SLC26A9: variants seen among roughly 807,000 people sequenced by gnomAD.
SLC26A9 encodes the protein anion transporter/exchanger protein 9.
In SLC26A9, 46 loss-of-function variants were observed where a neutral mutation model predicts 87.1. That is an observed-to-expected ratio of 0.53 (90% confidence interval 0.42 to 0.67). The LOEUF (loss-of-function observed/expected upper bound fraction) is 0.67. SLC26A9 is among the 30% of genes least tolerant of loss of function. The pLI, the probability that SLC26A9 is intolerant of heterozygous loss-of-function variation, is 0.00. For synonymous variants in SLC26A9, 437 were observed against 409.1 expected, an observed-to-expected ratio of 1.07 and a Z score of -0.82; for missense variants, 927 against 1,018.3, an observed-to-expected ratio of 0.91 and a Z score of 1.22.
chr1:205,937,047 A>G (rs1367022179), intron 1 of SLC26A9, among the ~76,000 whole-genome samples: 1 of 152,198 alleles, frequency 6.6e-6, no homozygotes, highest in African/African-American at 2.4e-5. Context: ...GTGAAGATCA[A>G]ATGAGTTAAT....
chr1:205,933,282 G>A (rs181894188), intron 2 of SLC26A9, among the ~76,000 whole-genome samples, 198 bp from the exon 3 acceptor site: 56 of 152,316 alleles, frequency 3.7e-4, no homozygotes, highest in Non-Finnish European at 6.8e-4. Context: ...ATTAGCTGGA[G>A]GTCTTCTGAC....
chr1:205,934,533 C>A (rs1659431734), intron 2 of SLC26A9, among the ~76,000 whole-genome samples: 1 of 152,218 alleles, frequency 6.6e-6, no homozygotes, highest in African/African-American at 2.4e-5. Context: ...GAACTGGAAA[C>A]AGAGGCTGAG....
At chr1:205,928,795 G>C in intron 8 of SLC26A9, 32 bp downstream of exon 8, 1 of 1,610,366 alleles carries the variant, frequency 6.2e-7, no homozygotes, top group Non-Finnish European at 8.5e-7. Flanking sequence ...TGAGGTGCGG[G>C]TGGGCCAGGC....
rs765741903 is a variant in SLC26A9, at chr1:205,913,646, T to C, written c.*1711A>G. 2.0e-5 allele frequency: 3 copies of C among 152,648 alleles called. No individual in the cohort carries two copies. Among genetic ancestry groups the C allele is most frequent in the African/African-American group, 4.8e-5 (2 of 41,444 alleles). The allele number at this position is 152,648 out of a possible 1,614,324, so 9.5% of individuals were successfully genotyped here. A position where few individuals can be genotyped will look rare whatever the true frequency, so the allele number is the denominator to read the frequency against. On this transcript the variant is annotated 3_prime_UTR_variant, in exon 21 of 21. Coordinates refer to ENST00000367135, the MANE Select transcript of SLC26A9 (RefSeq NM_052934.4). ...TTGTCATTGGCTAAGGCTCTTGTCCTCCTGGAATTTGGCACTTCGGGTGCT... is the reference window on the plus strand; with the variant it reads ...TTGTCATTGGCTAAGGCTCTTGTCCCCCTGGAATTTGGCACTTCGGGTGCT...
In SLC26A9 at chr1:205,914,183, T is replaced by C. The variant is rs1658481363; in HGVS notation, c.*1174A>G. On this transcript the variant is annotated 3_prime_UTR_variant, in exon 21 of 21. Transcript: ENST00000367135. ...AGTCTTCCTGTGCAGGAAGACCCAA[T>C]CTGGATCAGCCCCTTTCCACATCTG... The C allele has an allele frequency of 6.6e-6, 1 of 152,228 alleles. No homozygotes were observed. Among genetic ancestry groups the C allele is most frequent in the Non-Finnish European group, 1.5e-5 (1 of 68,070 alleles). 9.4% of individuals were successfully genotyped at this position (152,228 alleles called of 1,614,324 possible).
intron 1 of SLC26A9, among the ~76,000 whole-genome samples, chr1:205,936,484 T>A (rs1558129667): frequency 6.6e-6 from 1 of 152,138 alleles, no homozygotes; most frequent in South Asian, 2.1e-4. Context: ...CCCACCCTTG[T>A]GTACTGCCGC....
intron 12 of SLC26A9, among the ~76,000 whole-genome samples, chr1:205,925,021 T>C (rs1055776310): frequency 2.0e-5 from 3 of 152,226 alleles, no homozygotes; most frequent in Non-Finnish European, 2.9e-5. Context: ...CTTGAAATCC[T>C]GACTTCAAGC....
intron 1 of SLC26A9, among the ~76,000 whole-genome samples, chr1:205,942,023 A>G (rs1325238230): frequency 1.3e-5 from 2 of 152,172 alleles, no homozygotes; most frequent in East Asian, 3.9e-4. Context: ...GTGACCCCAC[A>G]GCCCCCAAAG....
intron 2 of SLC26A9, among the ~76,000 whole-genome samples, chr1:205,933,635 A>G (rs1659396679): frequency 6.6e-6 from 1 of 152,202 alleles, no homozygotes; most frequent in African/African-American, 2.4e-5. Context: ...GAATAAATGA[A>G]TGAGTGAATA....
intron 6 of SLC26A9, 27 bp from the exon 7 acceptor site, chr1:205,929,383 G>A (rs1274961934): frequency 1.2e-6 from 2 of 1,609,632 alleles, no homozygotes; most frequent in Non-Finnish European, 1.7e-6. Context: ...CATGCTCACA[G>A]GCTCCCACCC....
chr1:205,915,307 A>C lies in SLC26A9; in HGVS notation c.*50T>G. ...TGACCCCAGGCTCATCCTTTATGGA[A>C]GTCCCAAGTGCCAGGCACTCTGTAG... On this transcript the variant is annotated 3_prime_UTR_variant, in exon 21 of 21. Coordinates refer to ENST00000367135, the MANE Select transcript of SLC26A9 (RefSeq NM_052934.4). 1.2e-6 allele frequency: 2 copies of C among 1,613,214 alleles called. No individual in the cohort carries two copies. The highest frequency in any genetic ancestry group is 1.7e-6 in the Non-Finnish European group (2 of 1,179,532).
chr1:205,926,221 C>T (rs1659061167), intron 12 of SLC26A9, among the ~76,000 whole-genome samples: 1 of 152,052 alleles, frequency 6.6e-6, no homozygotes, highest in African/African-American at 2.4e-5. Context: ...AACATGTTTA[C>T]TTGTATTACC....
intron 1 of SLC26A9, among the ~76,000 whole-genome samples, chr1:205,941,327 C>T (rs181706377): frequency 6.6e-6 from 1 of 152,164 alleles, no homozygotes; most frequent in East Asian, 1.9e-4. Flanking sequence ...CGCCATGACA[C>T]CCAGCTAATA....
chr1:205,938,557 C>G (rs1659612657), intron 1 of SLC26A9, among the ~76,000 whole-genome samples: 1 of 152,230 alleles, frequency 6.6e-6, no homozygotes, highest in East Asian at 1.9e-4. Flanking sequence ...TTGGCTGGGT[C>G]CCTCCACACC....
intron 4 of SLC26A9, 65 bp from the exon 5 acceptor site, chr1:205,932,100 G>T: frequency 6.3e-7 from 1 of 1,587,240 alleles, no homozygotes; most frequent in Non-Finnish European, 8.6e-7. Flanking sequence ...AACCAGAAAG[G>T]GGCCCAGGAA....
intron 1 of SLC26A9, among the ~76,000 whole-genome samples, chr1:205,938,597 A>G (rs1659614223): frequency 6.6e-6 from 1 of 152,014 alleles, no homozygotes; most frequent in Non-Finnish European, 1.5e-5. Context: ...GCACCCACCA[A>G]ACAAGCCTGA....
intron 13 of SLC26A9, 82 bp downstream of exon 13, chr1:205,924,301 G>T: frequency 7.4e-7 from 1 of 1,343,120 alleles, no homozygotes; most frequent in South Asian, 1.2e-5. Flanking sequence ...AGTGGACTAA[G>T]CCAGGCCGTG....
intron 11 of SLC26A9, among the ~76,000 whole-genome samples, chr1:205,926,956 A>G (rs922305399): frequency 6.6e-6 from 1 of 152,220 alleles, no homozygotes; most frequent in Non-Finnish European, 1.5e-5. Flanking sequence ...CTCTGAGGCC[A>G]GAAGGCTGGA....
intron 4 of SLC26A9, 45 bp from the exon 5 acceptor site, chr1:205,932,080 C>T (rs748068159): frequency 4.4e-6 from 7 of 1,603,600 alleles, no homozygotes; most frequent in Admixed American, 1.7e-5. Context: ...GTTTGAACCA[C>T]ACCGATGGAA....
Sources: gnomAD v4.1 joint callset for allele counts (sites outside exome capture counted in the v4.1 genomes callset) on GRCh38, gnomAD v4.1.1 for gene constraint, MANE v1.5 for transcripts, NCBI Gene and HGNC (gene_info 2026-07-23, HGNC 2026-07-21) for gene names.